The following GRM7 variants were observed in gnomAD, a reference collection of about 807,000 sequenced individuals.
GRM7 encodes metabotropic glutamate receptor 7.
In GRM7, 35 loss-of-function variants were observed where a neutral mutation model predicts 84.5. The ratio of observed to expected loss-of-function variants is 0.41; its 90% CI spans 0.32 to 0.55. The LOEUF (loss-of-function observed/expected upper bound fraction) is 0.55. GRM7 is among the 20% of genes least tolerant of loss of function. The probability of loss-of-function intolerance (pLI) is 0.19; values close to 1 mark genes in which losing one functional copy is unlikely to be tolerated. For missense variants in GRM7, 1,003 were observed against 1,194.6 expected, an observed-to-expected ratio of 0.84 and a Z score of 2.36; for synonymous variants, 487 against 455.1, an observed-to-expected ratio of 1.07 and a Z score of -0.89.
intron 1 of GRM7, among the ~76,000 whole-genome samples, chr3:6,979,954 TA>T (rs1394604199): frequency 1.3e-5 from 2 of 152,200 alleles, no homozygotes; most frequent in African/African-American, 2.4e-5. Context: ...TTCTACTTTA[TA>T]AAGACATATG....
intron 1 of GRM7, among the ~76,000 whole-genome samples, chr3:6,987,001 A>T (rs1694436761): frequency 6.6e-6 from 1 of 152,184 alleles, no homozygotes; most frequent in African/African-American, 2.4e-5. Flanking sequence ...GGCCTCTGTT[A>T]CTCAGTTAAT....
At chr3:7,118,589 G>C (rs1001363109) in intron 1 of GRM7, among the ~76,000 whole-genome samples, 13 of 147,986 alleles carry the variant, frequency 8.8e-5, no homozygotes, top group African/African-American at 3.2e-4. Context: ...AAAATTGGAG[G>C]CTCGATCTTT....
At chr3:7,317,560 G>A (rs900015929) in intron 4 of GRM7, among the ~76,000 whole-genome samples, 6 of 152,018 alleles carry the variant, frequency 3.9e-5, no homozygotes, top group African/African-American at 9.7e-5. Flanking sequence ...ACTCTGTATT[G>A]CTAAGAATAG....
intron 8 of GRM7, among the ~76,000 whole-genome samples, chr3:7,650,048 G>T (rs565465091): frequency 6.6e-6 from 1 of 152,210 alleles, no homozygotes; most frequent in South Asian, 2.1e-4. Flanking sequence ...TACATTATTT[G>T]TATTTGAATG....
chr3:7,228,098 A>G (rs1697040922), intron 2 of GRM7, among the ~76,000 whole-genome samples: 1 of 152,202 alleles, frequency 6.6e-6, no homozygotes, highest in Non-Finnish European at 1.5e-5. Context: ...TGCTGAGTCC[A>G]TAAATCTGGT....
At chr3:7,090,477 A>G (rs755904227) in intron 1 of GRM7, among the ~76,000 whole-genome samples, 32 of 152,176 alleles carry the variant, frequency 2.1e-4, no homozygotes, top group Non-Finnish European at 4.1e-4. Context: ...ATATTCCCAC[A>G]CAGTGATGCC....
At chr3:7,369,014 T>A (rs1173640923) in intron 4 of GRM7, among the ~76,000 whole-genome samples, 1 of 152,008 alleles carries the variant, frequency 6.6e-6, no homozygotes, top group Non-Finnish European at 1.5e-5. Context: ...GTTGTTGCTG[T>A]CACACTGTTC....
intron 9 of GRM7, among the ~76,000 whole-genome samples, chr3:7,699,578 T>C (rs950749424): frequency 2.0e-5 from 3 of 152,216 alleles, no homozygotes; most frequent in Non-Finnish European, 2.9e-5. Context: ...AACACTGATC[T>C]AATCATAAAA....
Position 7,229,949 on chromosome 3 carries a change from C to A in GRM7, c.737-68735C>A, listed in dbSNP as rs184458750. 7.4e-4 allele frequency among the ~76,000 whole-genome samples: 109 copies of A among 146,544 alleles called. 1 individual carries two copies. In the East Asian group the frequency reaches 0.02, roughly 27 times the overall value. On this transcript the variant is annotated intron_variant, in intron 2 of 9. Coordinates refer to ENST00000357716, the MANE Select transcript of GRM7 (RefSeq NM_000844.4). Reference sequence around the variant, plus strand: ...CCGCCTCCCGGGTTCACGCCATTCTCCTGCCTCAGCCTCCCGAGTAGCTGG... The same window carrying A: ...CCGCCTCCCGGGTTCACGCCATTCTACTGCCTCAGCCTCCCGAGTAGCTGG...
chr3:7,672,190 G>A (rs975973113), intron 8 of GRM7, among the ~76,000 whole-genome samples: 1 of 152,064 alleles, frequency 6.6e-6, no homozygotes. Context: ...CCTTCAGGAT[G>A]GCTGAAAGAA....
chr3:7,210,585 A>T (rs1488459922), intron 2 of GRM7, among the ~76,000 whole-genome samples: 1 of 152,134 alleles, frequency 6.6e-6, no homozygotes. Context: ...TTTTTTTTGT[A>T]ATTTAAGATC....
chr3:7,490,782 A>G (rs535007215), intron 7 of GRM7, among the ~76,000 whole-genome samples: 212 of 152,302 alleles, frequency 1.4e-3, no homozygotes, highest in African/African-American at 4.9e-3. Flanking sequence ...AAGACTCAAT[A>G]TATCTTCCTG....
intron 7 of GRM7, among the ~76,000 whole-genome samples, chr3:7,503,821 A>G (rs1239962324): frequency 6.6e-6 from 1 of 152,154 alleles, no homozygotes; most frequent in Non-Finnish European, 1.5e-5. Flanking sequence ...ATATATAAAG[A>G]TTTTCATCCT....
chr3:7,408,606 A>G (rs958469207), intron 4 of GRM7, among the ~76,000 whole-genome samples: 1 of 152,134 alleles, frequency 6.6e-6, no homozygotes, highest in African/African-American at 2.4e-5. Context: ...AGGAACTGGA[A>G]TGGGGAAGGA....
chr3:7,521,106 C>G (rs1700576211), intron 7 of GRM7, among the ~76,000 whole-genome samples: 1 of 152,146 alleles, frequency 6.6e-6, no homozygotes, highest in Admixed American at 6.5e-5. Context: ...TTCAAAAACT[C>G]AGGTGTGCAA....
chr3:7,268,636 T>C (rs1291429860), intron 2 of GRM7, among the ~76,000 whole-genome samples: 2 of 152,094 alleles, frequency 1.3e-5, no homozygotes, highest in South Asian at 4.1e-4. Context: ...AGCTGGGCTT[T>C]GTAGAGAGAA....
intron 8 of GRM7, among the ~76,000 whole-genome samples, chr3:7,649,049 C>T (rs192828130): frequency 6.6e-6 from 1 of 152,070 alleles, no homozygotes; most frequent in African/African-American, 2.4e-5. Flanking sequence ...GGGAAAATGA[C>T]AGCCTCAGAT....
At chr3:7,572,003 G>C (rs1371515847) in intron 7 of GRM7, among the ~76,000 whole-genome samples, 1 of 152,126 alleles carries the variant, frequency 6.6e-6, no homozygotes, top group African/African-American at 2.4e-5. Flanking sequence ...TCACTATCAT[G>C]AGAACAGTGC....
chr3:7,642,049 C>G (rs1212029769), intron 8 of GRM7, among the ~76,000 whole-genome samples: 1 of 152,116 alleles, frequency 6.6e-6, no homozygotes, highest in Non-Finnish European at 1.5e-5. Context: ...AATAGTCCTT[C>G]TAAAATAAGG....
Sources: gnomAD v4.1 joint callset for allele counts (sites outside exome capture counted in the v4.1 genomes callset) on GRCh38, gnomAD v4.1.1 for gene constraint, MANE v1.5 for transcripts, NCBI Gene and HGNC (gene_info 2026-07-23, HGNC 2026-07-21) for gene names.